Variants in ORC2 observed in about 807,000 individuals in gnomAD.
ORC2 encodes origin recognition complex protein 2 homolog.
Under a neutral mutation model 77.7 loss-of-function variants are expected in ORC2, and 37 were observed. That is an observed-to-expected ratio of 0.48 (90% confidence interval 0.37 to 0.63). The LOEUF (loss-of-function observed/expected upper bound fraction) is 0.63, where lower values mean the gene tolerates loss of function less well. ORC2 is among the 20% of genes least tolerant of loss of function. The pLI is 0.00. For missense variants in ORC2, 557 were observed against 661.9 expected (o/e 0.84, Z 1.74); for synonymous variants, 201 against 229.5 (o/e 0.88, Z 1.12).
At chr2:200,961,647 A>G (rs2041576627) in intron 1 of ORC2, among the ~76,000 whole-genome samples, 1 of 152,230 alleles carries the variant, frequency 6.6e-6, no homozygotes. Context: ...GGCCAGAGTC[A>G]GCATAATCTA....
intron 8 of ORC2, among the ~76,000 whole-genome samples, chr2:200,936,345 T>C (rs1038760568): frequency 1.1e-4 from 17 of 152,206 alleles, no homozygotes; most frequent in African/African-American, 4.1e-4. Flanking sequence ...ATGTGACCCC[T>C]TGACCAGTGA....
intron 10 of ORC2, among the ~76,000 whole-genome samples, chr2:200,932,792 G>A (rs1274433824): frequency 2.0e-5 from 3 of 152,140 alleles, no homozygotes; most frequent in Admixed American, 2.0e-4. Flanking sequence ...CTCTGCCACT[G>A]TCATGAGGAT....
At chr2:200,952,934 A>G (rs2041389765) in intron 4 of ORC2, among the ~76,000 whole-genome samples, 2 of 151,880 alleles carry the variant, frequency 1.3e-5, no homozygotes, top group Non-Finnish European at 2.9e-5. Flanking sequence ...CAACATGGTG[A>G]GACTCCACCT....
chr2:200,954,150 A>G (rs960488548), intron 4 of ORC2, among the ~76,000 whole-genome samples: 14 of 151,356 alleles, frequency 9.2e-5, no homozygotes, highest in African/African-American at 3.4e-4. Context: ...TTCCTGCCTC[A>G]GCCTCCCGAG....
intron 17 of ORC2, among the ~76,000 whole-genome samples, chr2:200,913,049 C>G (rs1427897263): frequency 6.6e-6 from 1 of 152,178 alleles, no homozygotes; most frequent in African/African-American, 2.4e-5. Context: ...AATTATTTGA[C>G]TCACCATGTT....
At chr2:200,912,831 A>G (rs992951298) in intron 17 of ORC2, among the ~76,000 whole-genome samples, 4 of 152,188 alleles carry the variant, frequency 2.6e-5, no homozygotes, top group African/African-American at 7.2e-5. Flanking sequence ...CCTTCTAATC[A>G]TAGGACTTCC....
intron 11 of ORC2, 99 bp from the exon 12 acceptor site, chr2:200,926,999 C>T: frequency 2.3e-6 from 3 of 1,297,806 alleles, no homozygotes; most frequent in Non-Finnish European, 2.2e-6. Flanking sequence ...ATAAAAAATA[C>T]AGGAAAGGGG....
chr2:200,926,817 G>C lies in ORC2; in HGVS notation c.1001C>G (p.Ser334Cys). 6.2e-7 allele frequency: 1 copy of C among 1,613,854 alleles called. No homozygotes were observed. Among genetic ancestry groups the C allele is most frequent in the Non-Finnish European group, 8.5e-7 (1 of 1,179,792 alleles). The change falls in exon 12 of 18, where the codon TCC becomes TGC. Residue 334 changes from serine to cysteine, a missense_variant. Coordinates refer to ENST00000234296, the MANE Select transcript of ORC2 (RefSeq NM_006190.5). ...GAAGCCATTGATGACAACGTGAATG[G>C]AATCTTGCAGCATAGTGGTTCGAAA... is the stretch of plus-strand genomic sequence containing the variant. ...ERFRTTMLQD[S>C]IHVVINGFFP...
At chr2:200,938,936 G>A (rs1338322242) in intron 7 of ORC2, among the ~76,000 whole-genome samples, 1 of 151,984 alleles carries the variant, frequency 6.6e-6, no homozygotes, top group Non-Finnish European at 1.5e-5. Context: ...CTACTCGAGA[G>A]GTTGAGGCAG....
At chr2:200,919,005 A>T (rs1559005644) in intron 15 of ORC2, among the ~76,000 whole-genome samples, 1 of 151,972 alleles carries the variant, frequency 6.6e-6, no homozygotes, top group Admixed American at 6.6e-5. Context: ...AATTTTTAAA[A>T]TTTTTTGTAG....
intron 10 of ORC2, among the ~76,000 whole-genome samples, chr2:200,932,961 A>G (rs1359210623): frequency 1.3e-5 from 2 of 152,198 alleles, no homozygotes; most frequent in Admixed American, 1.3e-4. Context: ...ACGCCCAATG[A>G]AAGGCTTTCG....
intron 7 of ORC2, among the ~76,000 whole-genome samples, chr2:200,938,988 G>A (rs10185727): frequency 0.22 from 32,576 of 150,854 alleles, 4,360 homozygotes; most frequent in African/African-American, 0.37. Flanking sequence ...GCGGTGAGCC[G>A]AGATCACGTT....
chr2:200,925,435 C>T (rs1183888189), intron 13 of ORC2, among the ~76,000 whole-genome samples: 5 of 152,082 alleles, frequency 3.3e-5, no homozygotes, highest in Non-Finnish European at 7.4e-5. Context: ...AAGATAAATG[C>T]CATTATTAAA....
intron 4 of ORC2, among the ~76,000 whole-genome samples, chr2:200,950,234 G>A (rs1008438764): frequency 6.6e-6 from 1 of 152,156 alleles, no homozygotes; most frequent in African/African-American, 2.4e-5. Context: ...AGGAGGCTGA[G>A]GCAGAAGAAT....
At chr2:200,919,636 G>T (rs1375694009) in intron 15 of ORC2, among the ~76,000 whole-genome samples, 1 of 152,246 alleles carries the variant, frequency 6.6e-6, no homozygotes, top group African/African-American at 2.4e-5. Flanking sequence ...TGGTATTACA[G>T]GTGTAGGCCA....
At chr2:200,934,206 T>C (rs2040993205) in intron 9 of ORC2, among the ~76,000 whole-genome samples, 1 of 152,230 alleles carries the variant, frequency 6.6e-6, no homozygotes. Flanking sequence ...AGTAGTAGTC[T>C]GTTCCTAAAA....
In ORC2 at chr2:200,913,313, C is replaced by G; in HGVS notation, c.1629G>C (p.Lys543Asn). Reference sequence around the variant, plus strand: ...GTCTTACCTTCTTTGTTCTTATAAGCTTGTGGTCCCTAAATTCAGTTAACT... The same window carrying G: ...GTCTTACCTTCTTTGTTCTTATAAGGTTGTGGTCCCTAAATTCAGTTAACT... ...RAQLTEFRDH[K>N]LIRTKKGTDG... The change falls in exon 17 of 18, where the codon AAG (lysine) becomes AAC (asparagine). Residue 543 changes from lysine (K) to asparagine (N), a missense_variant. Lys to Asn is a moderately conservative substitution (Grantham distance 94). Coordinates refer to ENST00000234296, the MANE Select transcript of ORC2 (RefSeq NM_006190.5). The G allele has an allele frequency of 6.3e-7, 1 of 1,597,222 alleles. No individual in the cohort carries two copies. Among genetic ancestry groups the G allele is most frequent in the Non-Finnish European group, 8.6e-7 (1 of 1,169,048 alleles).
chr2:200,915,505 T>C (rs2040631980), intron 15 of ORC2, among the ~76,000 whole-genome samples: 2 of 152,162 alleles, frequency 1.3e-5, no homozygotes. Flanking sequence ...AAACTGTACG[T>C]ATTTCTTTGT....
chr2:200,956,765 C>T (rs1456560717), intron 4 of ORC2, among the ~76,000 whole-genome samples: 1 of 152,092 alleles, frequency 6.6e-6, no homozygotes, highest in East Asian at 1.9e-4. Flanking sequence ...GAGCAAGACC[C>T]TGTCTCTAAA....
Sources: allele counts gnomAD v4.1 joint callset (sites outside exome capture counted in the v4.1 genomes callset), GRCh38; gene constraint gnomAD v4.1.1; transcripts MANE v1.5; gene names NCBI Gene and HGNC (gene_info 2026-07-23, HGNC 2026-07-21).